The following GLRX3 variants were observed in gnomAD, a reference collection of about 807,000 sequenced individuals.
The protein encoded by GLRX3 is glutaredoxin-3.
A neutral mutation model predicts 49.5 loss-of-function variants in GLRX3; 22 were observed. The ratio of observed to expected loss-of-function variants is 0.44; its 90% CI spans 0.32 to 0.63. GLRX3 has a LOEUF of 0.63. GLRX3 is among the 30% of genes least tolerant of loss of function. The pLI is 0.05. For synonymous variants in GLRX3, 133 were observed against 140.0 expected, an observed-to-expected ratio of 0.95 and a Z score of 0.35; for missense variants, 385 against 396.3, an observed-to-expected ratio of 0.97 and a Z score of 0.24.
chr10:130,166,932 C>T lies in GLRX3; in HGVS notation c.665C>T (p.Ser222Phe). ...TGCTTATTTTAGGAGCTAGAAGCAT[C>T]TGAAGAACTAGATACAATTTGTCCC... ...GLDIIKELEA[S>F]EELDTICPKA... Residue 222 changes from serine (S) to phenylalanine (F), a missense_variant, in exon 6 of 11, where the codon TCT (serine) becomes TTT (phenylalanine). Ser to Phe is a radical substitution (Grantham distance 155). Coordinates refer to ENST00000331244, the MANE Select transcript of GLRX3 (RefSeq NM_006541.5). 1 of 1,594,070 alleles carries T rather than the reference C, an allele frequency of 6.3e-7. No individual in the cohort carries two copies. The highest frequency in any genetic ancestry group is 1.1e-5 in the South Asian group (1 of 87,524).
chr10:130,151,040 G>A (rs181906845), intron 2 of GLRX3, among the ~76,000 whole-genome samples: 12 of 151,172 alleles, frequency 7.9e-5, no homozygotes, highest in Middle Eastern at 3.4e-3. Context: ...GAATTCTCCT[G>A]CCTCAGCCTC....
At chr10:130,174,114 A>AC (rs1862868153) in intron 8 of GLRX3, among the ~76,000 whole-genome samples, 1 of 152,230 alleles carries the variant, frequency 6.6e-6, no homozygotes, top group Non-Finnish European at 1.5e-5. Flanking sequence ...TTGTACAAGT[A>AC]ATGTTCATTG....
chr10:130,172,696 CT>C (rs1862835123), intron 8 of GLRX3, among the ~76,000 whole-genome samples: 1 of 152,160 alleles, frequency 6.6e-6, no homozygotes, highest in East Asian at 1.9e-4. Flanking sequence ...AATCCCAGCA[CT>C]TTGGGAGGCT....
intron 4 of GLRX3, among the ~76,000 whole-genome samples, chr10:130,165,553 CAT>C (rs1453066551): frequency 6.6e-6 from 1 of 152,130 alleles, no homozygotes; most frequent in Non-Finnish European, 1.5e-5. Flanking sequence ...CAAGTTATGA[CAT>C]GAGATGAGAA....
chr10:130,153,193 C>G (rs1862412677), intron 2 of GLRX3, among the ~76,000 whole-genome samples: 1 of 152,086 alleles, frequency 6.6e-6, no homozygotes, highest in Admixed American at 6.6e-5. Context: ...TAGTTAGCCA[C>G]TTGTCTAACT....
In GLRX3 at chr10:130,166,515, A is replaced by G. The variant is rs549952259; in HGVS notation, c.487A>G (p.Lys163Glu). The change falls in exon 5 of 11, where the codon AAG (lysine) becomes GAG (glutamate). Residue 163 changes from lysine (K) to glutamate (E), a missense_variant. Physicochemically the swap from Lys to Glu is moderately conservative, Grantham distance 56. Transcript: ENST00000331244. ...TCTTTTTTTGTGTACAGGTTTCAGC[A>G]AGCAGATGGTGGAAATTCTTCACAA... is the stretch of plus-strand genomic sequence containing the variant. ...TPQEPRCGFS[K>E]QMVEILHKHN... is the part of the protein sequence containing the mutation. 8 of 1,612,822 alleles carry G rather than the reference A, an allele frequency of 5.0e-6. No homozygotes were observed. The South Asian group carries it at 8.8e-5, about 18-fold the overall frequency.
At chr10:130,151,220 C>T (rs1862371082) in intron 2 of GLRX3, among the ~76,000 whole-genome samples, 1 of 151,944 alleles carries the variant, frequency 6.6e-6, no homozygotes, top group Non-Finnish European at 1.5e-5. Context: ...GCCATCGTGC[C>T]CGGCTCTGGT....
chr10:130,168,467 C>T (rs530997989), intron 6 of GLRX3, among the ~76,000 whole-genome samples: 15 of 152,150 alleles, frequency 9.9e-5, no homozygotes, highest in East Asian at 1.9e-4. Flanking sequence ...TTTTTTGAGA[C>T]GGACTCTGGC....
intron 2 of GLRX3, among the ~76,000 whole-genome samples, chr10:130,158,293 A>C (rs1028435320): frequency 6.6e-6 from 1 of 151,834 alleles, no homozygotes; most frequent in African/African-American, 2.4e-5. Flanking sequence ...GCTCACTGCA[A>C]CCTCTGCCTC....
Position 130,173,987 on chromosome 10 carries a change from T to C in GLRX3, c.825-880T>C, listed in dbSNP as rs144856675. ...TGGCCACCTTTGGGAATTGCACCTG[T>C]ACCCTCAGGCACCCTGCAAGGATTT... is the stretch of plus-strand genomic sequence containing the variant. On this transcript the variant is annotated intron_variant, in intron 8 of 10. Transcript: ENST00000331244. 7.2e-3 allele frequency among the ~76,000 whole-genome samples: 1,093 copies of C among 152,330 alleles called. 20 individuals are homozygous for C. Among genetic ancestry groups the C allele is most frequent in the African/African-American group, 0.025 (1,027 of 41,576 alleles).
downstream of GLRX3, chr10:130,179,996 T>A (rs1862994182): frequency 6.6e-6 from 1 of 152,436 alleles, no homozygotes; most frequent in South Asian, 2.1e-4. Context: ...GATTTCTCAT[T>A]GAATATGGTA....
chr10:130,146,988 T>C (rs12248841), intron 2 of GLRX3, among the ~76,000 whole-genome samples: 67,085 of 152,128 alleles, frequency 0.44, 15,208 homozygotes, highest in African/African-American at 0.53. Flanking sequence ...CCCGTTCCTC[T>C]GTTGTCACCC....
At chr10:130,160,747 C>G (rs367830674) in intron 3 of GLRX3, 49 bp from the exon 4 acceptor site, 12 of 1,041,076 alleles carry the variant, frequency 1.2e-5, no homozygotes, top group South Asian at 5.1e-5. Context: ...ATAACAATGT[C>G]ATTATTATGG....
At chr10:130,166,868 TTTATG>T (rs778249901) in intron 5 of GLRX3, 46 bp from the exon 6 acceptor site, 9 of 1,192,304 alleles carry the variant, frequency 7.5e-6, no homozygotes, top group Non-Finnish European at 9.9e-6. Context: ...ATCAAGGAGA[TTTATG>T]TTATAATAAT....
chr10:130,155,444 A>G (rs1210674394), intron 2 of GLRX3, among the ~76,000 whole-genome samples: 1 of 152,226 alleles, frequency 6.6e-6, no homozygotes, highest in Non-Finnish European at 1.5e-5. Context: ...CTCCTAGGCC[A>G]GGTGAGAGAT....
chr10:130,168,915 A>G (rs1362264663), intron 6 of GLRX3, among the ~76,000 whole-genome samples: 1 of 152,202 alleles, frequency 6.6e-6, no homozygotes, highest in Non-Finnish European at 1.5e-5. Context: ...TTAGATTATG[A>G]TGTTTGAAAG....
Position 130,142,049 on chromosome 10 carries a change from G to C in GLRX3, c.93-3162G>C, listed in dbSNP as rs557197352. ...ACAGCACAGTCTCTGCCGTGGACCTGAGGCCCCACCTACTCAACCATTGAA... is the reference window on the plus strand; with the variant it reads ...ACAGCACAGTCTCTGCCGTGGACCTCAGGCCCCACCTACTCAACCATTGAA... On this transcript the variant is annotated intron_variant, in intron 1 of 10. Transcript: ENST00000331244. 2.0e-5 allele frequency among the ~76,000 whole-genome samples: 3 copies of C among 152,280 alleles called. No individual in the cohort carries two copies. The East Asian group carries it at 5.8e-4, about 29-fold the overall frequency.
At chr10:130,160,685 G>T (rs900630487) in intron 3 of GLRX3, 111 bp from the exon 4 acceptor site, 15 of 669,124 alleles carry the variant, frequency 2.2e-5, no homozygotes, top group Non-Finnish European at 3.9e-5. Flanking sequence ...GGCAATGAGG[G>T]TTTCTTTTTT....
At chr10:130,155,298 C>T (rs565775198) in intron 2 of GLRX3, among the ~76,000 whole-genome samples, 24 of 152,178 alleles carry the variant, frequency 1.6e-4, no homozygotes, top group African/African-American at 5.5e-4. Flanking sequence ...TTGTGGGGAA[C>T]GATAACATTC....
Sources: allele counts gnomAD v4.1 joint callset (sites outside exome capture counted in the v4.1 genomes callset), GRCh38; gene constraint gnomAD v4.1.1; transcripts MANE v1.5; gene names NCBI Gene and HGNC (gene_info 2026-07-23, HGNC 2026-07-21).